The following ALS2CL variants were observed in gnomAD, a reference collection of about 807,000 sequenced individuals.
ALS2CL encodes the protein ALS2 C-terminal-like protein.
Under a neutral mutation model 127.9 loss-of-function variants are expected in ALS2CL, and 112 were observed. The ratio of observed to expected loss-of-function variants is 0.88; its 90% CI spans 0.75 to 1.02. ALS2CL has a LOEUF of 1.02. Ranked by LOEUF, ALS2CL falls within the 50% of genes least tolerant of loss-of-function variation. The pLI is 0.00. For synonymous variants in ALS2CL, 519 were observed against 527.6 expected, an observed-to-expected ratio of 0.98 and a Z score of 0.22; for missense variants, 1,174 against 1,236.7, an observed-to-expected ratio of 0.95 and a Z score of 0.76.
At position 46,686,351 on chromosome 3, in the gene ALS2CL, A is replaced by G. The variant is rs1559480828; in HGVS notation, c.623T>C (p.Val208Ala). Residue 208 changes from valine (V) to alanine (A), a missense_variant, in exon 6 of 26, where the codon GTG (valine) becomes GCG (alanine). Physicochemically the swap from Val to Ala is moderately conservative, Grantham distance 64. Transcript: ENST00000318962. The surrounding 1 kb of genome is among the most constrained non-coding windows in gnomAD (Gnocchi z 4.3). ...SFMKQELDQA[V>A]ATQALWHTLR... Reference sequence around the variant, plus strand: ...GGTGTGCCAGAGAGCCTGTGTGGCCACAGCCTGGTCCAACTCCTGCTTCAT... The same window carrying G: ...GGTGTGCCAGAGAGCCTGTGTGGCCGCAGCCTGGTCCAACTCCTGCTTCAT... 1 of 1,613,480 alleles carries G rather than the reference A, an allele frequency of 6.2e-7. No individual in the cohort carries two copies. Among genetic ancestry groups the G allele is most frequent in the East Asian group, 2.2e-5 (1 of 44,842 alleles).
At chr3:46,680,257 G>A (rs1559469440) in intron 14 of ALS2CL, 173 bp downstream of exon 14, 10 of 651,334 alleles carry the variant, frequency 1.5e-5, no homozygotes, top group Non-Finnish European at 2.4e-5. Flanking sequence ...ATTGGCCAGG[G>A]CCAGGGGAGG....
In ALS2CL at chr3:46,674,695, C is replaced by A; in HGVS notation, c.2300G>T (p.Ser767Ile). 6.2e-7 allele frequency: 1 copy of A among 1,614,004 alleles called. No homozygotes were observed. The highest frequency in any genetic ancestry group is 8.5e-7 in the Non-Finnish European group (1 of 1,179,920). The change falls in exon 21 of 26, where the codon AGC (serine) becomes ATC (isoleucine). Residue 767 changes from serine (S) to isoleucine (I), a missense_variant. Physicochemically the swap from Ser to Ile is moderately radical, Grantham distance 142 (BLOSUM62 -2). Coordinates refer to ENST00000318962, the MANE Select transcript of ALS2CL (RefSeq NM_147129.5). ...HGLVLPLMLP[S>I]FYSELFTLYL... ...GAGCGTGAAGAGCTCTGAGTAGAAG[C>A]TGGGCAGCATGAGGGGCAGCACCAA...
Position 46,672,017 on chromosome 3 carries a change from G to T in ALS2CL, c.2551C>A (p.Arg851=). The stretch of plus-strand genomic sequence containing the variant: ...CTCTCCAGCACCTCCAGCTTCTCCC[G>T]TGGGTCCACCGTGGTCCTGCAGCAG... The part of the protein sequence containing the change: ...LQKIMTTVDP[R]EKLEVLERTY... The change falls in exon 24 of 26, where the codon CGG becomes AGG. Residue 851 remains arginine, a synonymous_variant. Coordinates refer to ENST00000318962, the MANE Select transcript of ALS2CL (RefSeq NM_147129.5). The T allele has an allele frequency of 6.2e-7, 1 of 1,614,008 alleles. No homozygotes were observed. The highest frequency in any genetic ancestry group is 1.1e-5 in the South Asian group (1 of 91,084).
chr3:46,683,305 T>C lies in ALS2CL; in HGVS notation c.934A>G (p.Thr312Ala), dbSNP rs768747677. 6.4e-5 allele frequency: 102 copies of C among 1,592,604 alleles called. No homozygotes were observed. The highest frequency in any genetic ancestry group is 8.6e-5 in the Non-Finnish European group (101 of 1,169,082). The change falls in exon 10 of 26, where the codon ACC (threonine) becomes GCC (alanine). Residue 312 changes from threonine (T) to alanine (A), a missense_variant. Coordinates refer to ENST00000318962, the MANE Select transcript of ALS2CL (RefSeq NM_147129.5). Reference protein sequence around the residue: ...QGQAVWQWKVTWAVHQALHGK... With the variant: ...QGQAVWQWKVAWAVHQALHGK... ...TGCAGGGCCTGGTGAACAGCCCAGG[T>C]CACCTTCCACTGCCAGACTGCCTGG... is the stretch of plus-strand genomic sequence containing the variant.
Position 46,686,908 on chromosome 3 carries a change from G to A in ALS2CL, c.534+75C>T. 2.1e-6 allele frequency: 3 copies of A among 1,427,964 alleles called. No individual in the cohort carries two copies. The highest frequency in any genetic ancestry group is 2.7e-5 in the Admixed American group (1 of 37,616). The allele number at this position is 1,427,964 out of a possible 1,614,324, so 88.5% of individuals were successfully genotyped here. A position where few individuals can be genotyped will look rare whatever the true frequency, so the allele number is the denominator to read the frequency against. On this transcript the variant is annotated intron_variant, in intron 5 of 25. Coordinates refer to ENST00000318962, the MANE Select transcript of ALS2CL (RefSeq NM_147129.5). This position sits in a 1 kb window ranked among gnomAD's most constrained non-coding sequence, Gnocchi z 4.3. ...CTTGTACTAGGGTTCCTGAGTATAG[G>A]CTGAGCCCCCTGAGTCTGGGCCCTA...
chr3:46,678,987 G>A (rs1453179677), intron 15 of ALS2CL, among the ~76,000 whole-genome samples: 1 of 152,152 alleles, frequency 6.6e-6, no homozygotes, highest in Non-Finnish European at 1.5e-5. Context: ...GAGACCACCG[G>A]TACCCTCTGG....
At position 46,671,060 on chromosome 3, in the gene ALS2CL, C is replaced by T. The variant is rs1041175065; in HGVS notation, c.2786G>A (p.Cys929Tyr). ...YDFLLTALES[C>Y]YEHIQKEDMR... The stretch of plus-strand genomic sequence containing the variant: ...GTCTTCTTTCTGGATGTGCTCGTAA[C>T]AGGACTGGAGGGAGAGAGGCAAGGC... The change falls in exon 26 of 26, where the codon TGT becomes TAT. Residue 929 changes from cysteine (C) to tyrosine (Y), a missense_variant. Cys to Tyr is a radical substitution (Grantham distance 194, BLOSUM62 -2). Transcript: ENST00000318962. The T allele has an allele frequency of 6.2e-7, 1 of 1,614,128 alleles. No individual in the cohort carries two copies. Among genetic ancestry groups the T allele is most frequent in the Non-Finnish European group, 8.5e-7 (1 of 1,179,994 alleles).
At position 46,671,743 on chromosome 3, in the gene ALS2CL, C is replaced by T. The variant is rs143009300; in HGVS notation, c.2684+141G>A. 5.7e-4 allele frequency: 866 copies of T among 1,523,338 alleles called. 3 individuals are homozygous for T. The African/African-American group carries it at 0.01, about 18-fold the overall frequency. The allele number at this position is 1,523,338 out of a possible 1,614,324, so 94.4% of individuals were successfully genotyped here. ...CCCCAGCACCCTGGCTGGGACCCTC[C>T]CTTTTCTGGGCCTTGGCTTCCCCAT... is the stretch of plus-strand genomic sequence containing the variant. On this transcript the variant is annotated intron_variant, in intron 24 of 25. Coordinates refer to ENST00000318962, the MANE Select transcript of ALS2CL (RefSeq NM_147129.5).
At position 46,670,894 on chromosome 3, in the gene ALS2CL, T is replaced by G; in HGVS notation, c.*90A>C. 1 of 1,340,442 alleles carries G rather than the reference T, an allele frequency of 7.5e-7. No homozygotes were observed. The highest frequency in any genetic ancestry group is 2.3e-5 in the East Asian group (1 of 43,368). The allele number at this position is 1,340,442 out of a possible 1,614,324, so 83.0% of individuals were successfully genotyped here. A position where few individuals can be genotyped will look rare whatever the true frequency, so the allele number is the denominator to read the frequency against. ...GCTCATCTCCTCCAAGAGCTGCTTC[T>G]GAGGGCCTGTCCTGCCCCTTGCCTT... On this transcript the variant is annotated 3_prime_UTR_variant, in exon 26 of 26. Coordinates refer to ENST00000318962, the MANE Select transcript of ALS2CL (RefSeq NM_147129.5). The surrounding 1 kb of genome is among the most constrained non-coding windows in gnomAD (Gnocchi z 5.5).
At chr3:46,687,539 G>T in intron 4 of ALS2CL, 80 bp downstream of exon 4, 1 of 1,498,566 alleles carries the variant, frequency 6.7e-7, no homozygotes, top group Non-Finnish European at 9.2e-7. Flanking sequence ...CTGCTGCTCT[G>T]GGGAGGGGGC....
rs1288649738 is a variant in ALS2CL, at chr3:46,669,545, T to C, written c.*1439A>G. 1 of 152,266 alleles carries C rather than the reference T, an allele frequency of 6.6e-6. No individual in the cohort carries two copies. The highest frequency in any genetic ancestry group is 2.4e-5 in the African/African-American group (1 of 41,452). 9.4% of individuals were successfully genotyped at this position (152,266 alleles called of 1,614,324 possible). A position where few individuals can be genotyped will look rare whatever the true frequency, so the allele number is the denominator to read the frequency against. ...GCTGGCTGATGCCGATTGGAAAGGA[T>C]AGAATCCTAGTGAGCTGCCCCAGTC... On this transcript the variant is annotated 3_prime_UTR_variant, in exon 26 of 26. Coordinates refer to ENST00000318962, the MANE Select transcript of ALS2CL (RefSeq NM_147129.5).
chr3:46,687,558 C>T (rs1183412282), intron 4 of ALS2CL, 61 bp downstream of exon 4: 6 of 1,582,846 alleles, frequency 3.8e-6, no homozygotes, highest in Non-Finnish European at 5.2e-6. Context: ...GCTTCCCCGA[C>T]CCCACCCTCA....
intron 2 of ALS2CL, 145 bp from the exon 3 acceptor site, chr3:46,688,441 G>A (rs1023103372): frequency 7.2e-5 from 57 of 787,092 alleles, no homozygotes; most frequent in Non-Finnish European, 9.8e-5. Flanking sequence ...CCTGGGATCC[G>A]CAGGACAGAA....
intron 23 of ALS2CL, 28 bp downstream of exon 23, chr3:46,672,112 C>A (rs1386543255): frequency 6.8e-6 from 11 of 1,614,054 alleles, no homozygotes; most frequent in Non-Finnish European, 9.3e-6. Flanking sequence ...TGCCTCCGGA[C>A]CCCCAACCCA....
chr3:46,675,007 C>T, intron 20 of ALS2CL: 2 of 378,208 alleles, frequency 5.3e-6, no homozygotes, highest in Non-Finnish European at 4.7e-6. Context: ...AAAACCAGGG[C>T]CCCAGATGGA....
intron 13 of ALS2CL, chr3:46,680,983 T>C: frequency 1.7e-6 from 1 of 595,602 alleles, no homozygotes; most frequent in South Asian, 2.0e-5. Context: ...AGGGCTGCAG[T>C]TTTTAGACGT....
At position 46,677,451 on chromosome 3, in the gene ALS2CL, C is replaced by T. The variant is rs570573383; in HGVS notation, c.1758-429G>A. 1,552 of 970,360 alleles carry T rather than the reference C, an allele frequency of 1.6e-3. 1 individual carries two copies. Among genetic ancestry groups the T allele is most frequent in the South Asian group, 3.6e-3 (91 of 25,040 alleles). The allele number at this position is 970,360 out of a possible 1,614,324, so 60.1% of individuals were successfully genotyped here. ...TGGCCAACAGGCTGGGGCCTGGCTG[C>T]GCATGTCTAATGGAGCCCTGCACTC... On this transcript the variant is annotated intron_variant, in intron 16 of 25. Coordinates refer to ENST00000318962, the MANE Select transcript of ALS2CL (RefSeq NM_147129.5).
At chr3:46,680,942 G>A in intron 13 of ALS2CL, 1 of 563,222 alleles carries the variant, frequency 1.8e-6, no homozygotes. Flanking sequence ...CAAGGATCCA[G>A]GGCTTTATCA....
Position 46,673,474 on chromosome 3 carries a change from G to A in ALS2CL, c.2430-93C>T, listed in dbSNP as rs550771669. 2.6e-4 allele frequency: 344 copies of A among 1,307,108 alleles called. 3 individuals are homozygous for A. The highest frequency in any genetic ancestry group is 2.0e-3 in the South Asian group (148 of 75,784). The allele number at this position is 1,307,108 out of a possible 1,614,324, so 81.0% of individuals were successfully genotyped here. On this transcript the variant is annotated intron_variant, in intron 21 of 25. Transcript: ENST00000318962. ...AATTCCCTATGCCACTGTTTCCCCCGGCAGATCTGGGTCCTGAAAAGGGGA... is the reference window on the plus strand; with the variant it reads ...AATTCCCTATGCCACTGTTTCCCCCAGCAGATCTGGGTCCTGAAAAGGGGA...
Sources: gnomAD v4.1 joint callset for allele counts (sites outside exome capture counted in the v4.1 genomes callset) on GRCh38, gnomAD v4.1.1 for gene constraint, Gnocchi (gnomAD v3.1) non-coding constraint, MANE v1.5 for transcripts, NCBI Gene and HGNC (gene_info 2026-07-23, HGNC 2026-07-21) for gene names.